Variants in FBXW4 observed in about 807,000 individuals in gnomAD.
FBXW4 encodes the protein F-box and WD repeat domain containing 4.
In FBXW4, 40 loss-of-function variants were observed where a neutral mutation model predicts 61.8. The ratio of observed to expected loss-of-function variants is 0.65; its 90% CI spans 0.50 to 0.84. FBXW4 has a LOEUF of 0.84. Among genes scored for constraint, FBXW4 ranks in the 40% least tolerant of loss-of-function variants. The pLI, the probability that FBXW4 is intolerant of heterozygous loss-of-function variation, is 0.00. For missense variants in FBXW4, 672 were observed against 753.8 expected (o/e 0.89, Z 1.27); for synonymous variants, 311 against 313.8 (o/e 0.99, Z 0.10).
intron 5 of FBXW4, among the ~76,000 whole-genome samples, chr10:101,657,986 T>A (rs759208092): frequency 6.6e-6 from 1 of 152,158 alleles, no homozygotes; most frequent in African/African-American, 2.4e-5. Context: ...TGAGGAAAAT[T>A]CCCTAGCTCT....
chr10:101,660,812 G>A (rs749043483), intron 5 of FBXW4, among the ~76,000 whole-genome samples: 6 of 152,180 alleles, frequency 3.9e-5, no homozygotes, highest in East Asian at 1.9e-4. Context: ...TGACTGATCC[G>A]TCCAGCGTGC....
chr10:101,611,947 G>C lies in FBXW4; in HGVS notation c.1443-178C>G, dbSNP rs2063790320. ...AACTTCATGGGAGAAAGCATCTTCT[G>C]TAGAGGGCTCTCGCCATGGCCCAGA... On this transcript the variant is annotated intron_variant, in intron 7 of 8. Coordinates refer to ENST00000331272, the MANE Select transcript of FBXW4 (RefSeq NM_022039.4). This position sits in a 1 kb window ranked among gnomAD's most constrained non-coding sequence, Gnocchi z 4.9. Among the ~76,000 whole-genome samples, 1 of 152,264 alleles carries C rather than the reference G, an allele frequency of 6.6e-6. No homozygotes were observed. The highest frequency in any genetic ancestry group is 2.1e-4 in the South Asian group (1 of 4,836).
intron 5 of FBXW4, among the ~76,000 whole-genome samples, chr10:101,644,933 A>G (rs1346030897): frequency 6.6e-6 from 1 of 152,184 alleles, no homozygotes; most frequent in Non-Finnish European, 1.5e-5. Flanking sequence ...ATTCAGGGGC[A>G]ATCATGGCCA....
intron 5 of FBXW4, among the ~76,000 whole-genome samples, chr10:101,654,645 T>A (rs2064171386): frequency 6.6e-6 from 1 of 152,224 alleles, no homozygotes; most frequent in South Asian, 2.1e-4. Flanking sequence ...AAGAGATATT[T>A]AAATAAACTG....
chr10:101,618,967 T>C (rs1323712554), intron 6 of FBXW4, among the ~76,000 whole-genome samples: 6 of 151,974 alleles, frequency 3.9e-5, no homozygotes, highest in African/African-American at 1.4e-4. Flanking sequence ...TCAGACCCAC[T>C]TGGGCCTTCC....
chr10:101,678,476 A>G (rs2064439089), intron 1 of FBXW4, among the ~76,000 whole-genome samples: 1 of 152,158 alleles, frequency 6.6e-6, no homozygotes. Flanking sequence ...CCCAGGCTGG[A>G]GTGCAGTGGC....
chr10:101,615,187 C>T (rs2063816956), intron 6 of FBXW4, among the ~76,000 whole-genome samples: 1 of 152,048 alleles, frequency 6.6e-6, no homozygotes, highest in Admixed American at 6.5e-5. Flanking sequence ...CTGTGGGGGG[C>T]GAGAGGGGGG....
chr10:101,635,165 A>G (rs142665523), intron 5 of FBXW4, among the ~76,000 whole-genome samples: 2,685 of 149,336 alleles, frequency 0.018, 231 homozygotes, highest in Non-Finnish European at 0.021. Context: ...CACAAACCCT[A>G]TTGTGAACTG....
intron 5 of FBXW4, among the ~76,000 whole-genome samples, chr10:101,661,716 C>T (rs1171533257): frequency 6.6e-6 from 1 of 152,124 alleles, no homozygotes; most frequent in Non-Finnish European, 1.5e-5. Flanking sequence ...TCTGCAGTTT[C>T]GCAAAGGGGG....
At chr10:101,672,743 C>T (rs1205100212) in intron 4 of FBXW4, among the ~76,000 whole-genome samples, 172 bp downstream of exon 4, 1 of 152,124 alleles carries the variant, frequency 6.6e-6, no homozygotes, top group East Asian at 1.9e-4. Flanking sequence ...GCAGGGACAA[C>T]GCCTGGCATG....
At chr10:101,639,117 G>A (rs1490579387) in intron 5 of FBXW4, among the ~76,000 whole-genome samples, 1 of 152,216 alleles carries the variant, frequency 6.6e-6, no homozygotes, top group East Asian at 1.9e-4. Context: ...CATGCAGCTT[G>A]CTAATCATTT....
Position 101,694,362 on chromosome 10 carries a change from C to A in FBXW4, c.725+19G>T, listed in dbSNP as rs1316106155. ...GGGCCGGCTCGGGGCGGGGAGCGGG[C>A]GGGCGAGCGGACGCTTACAGGTCGG... is the stretch of plus-strand genomic sequence containing the variant. On this transcript the variant is annotated intron_variant, in intron 1 of 8. Transcript: ENST00000331272. The surrounding 1 kb of genome is among the most constrained non-coding windows in gnomAD (Gnocchi z 6.0). The A allele has an allele frequency of 7.4e-7, 1 of 1,357,052 alleles. No individual in the cohort carries two copies. The allele number at this position is 1,357,052 out of a possible 1,614,324, so 84.1% of individuals were successfully genotyped here.
intron 5 of FBXW4, among the ~76,000 whole-genome samples, chr10:101,660,474 C>T (rs2064232376): frequency 6.6e-6 from 1 of 152,140 alleles, no homozygotes; most frequent in South Asian, 2.1e-4. Context: ...ACAGCTACAC[C>T]AGCCACAGAA....
At chr10:101,658,875 G>A (rs2064216501) in intron 5 of FBXW4, among the ~76,000 whole-genome samples, 1 of 152,120 alleles carries the variant, frequency 6.6e-6, no homozygotes, top group South Asian at 2.1e-4. Context: ...TGACTGATCT[G>A]AGTGTTACAG....
At chr10:101,626,401 A>G (rs1305435434) in intron 5 of FBXW4, 1 of 152,676 alleles carries the variant, frequency 6.5e-6, no homozygotes, top group Admixed American at 6.5e-5. Flanking sequence ...GGCTGGAAAC[A>G]TAATAGCCAC....
chr10:101,658,494 G>A (rs899646324), intron 5 of FBXW4, among the ~76,000 whole-genome samples: 27 of 152,148 alleles, frequency 1.8e-4, no homozygotes, highest in African/African-American at 5.1e-4. Context: ...GCAGTGAGCC[G>A]AGATCGCGCC....
intron 5 of FBXW4, among the ~76,000 whole-genome samples, chr10:101,649,137 A>T (rs1387396633): frequency 6.6e-6 from 1 of 152,148 alleles, no homozygotes; most frequent in African/African-American, 2.4e-5. Context: ...CTAATAATGA[A>T]GCATGCTGAA....
At chr10:101,686,788 C>T (rs2064538151) in intron 1 of FBXW4, among the ~76,000 whole-genome samples, 4 of 152,126 alleles carry the variant, frequency 2.6e-5, no homozygotes, top group East Asian at 1.9e-4. Flanking sequence ...ATGAACCAGA[C>T]GTCACCCAGC....
chr10:101,611,576 C>G lies in FBXW4; in HGVS notation c.1584+52G>C. ...CTACCTCACCCTCTCCCAAATGCAG[C>G]CCATAATCATGAGTCCTGGCATGCT... On this transcript the variant is annotated intron_variant, in intron 8 of 8. Transcript: ENST00000331272. This position sits in a 1 kb window ranked among gnomAD's most constrained non-coding sequence, Gnocchi z 4.9. 3 of 1,603,288 alleles carry G rather than the reference C, an allele frequency of 1.9e-6. No homozygotes were observed. Among genetic ancestry groups the G allele is most frequent in the Non-Finnish European group, 2.6e-6 (3 of 1,172,532 alleles).
Sources: allele counts gnomAD v4.1 joint callset (sites outside exome capture counted in the v4.1 genomes callset), GRCh38; gene constraint gnomAD v4.1.1; non-coding constraint Gnocchi (gnomAD v3.1); transcripts MANE v1.5; gene names NCBI Gene and HGNC (gene_info 2026-07-23, HGNC 2026-07-21).